Variants in CAPN15 observed in about 807,000 individuals in gnomAD.
CAPN15 encodes calpain 15, also known as calpain-15.
A neutral mutation model predicts 97.9 loss-of-function variants in CAPN15; 53 were observed. The observed-to-expected ratio is 0.54, with a 90% confidence interval of 0.43 to 0.68. The LOEUF (loss-of-function observed/expected upper bound fraction) is 0.68, where lower values mean the gene tolerates loss of function less well. CAPN15 is among the 30% of genes least tolerant of loss of function. CAPN15 has a pLI of 0.00. For synonymous variants in CAPN15, 922 were observed against 722.5 expected (o/e 1.28, Z -4.43); for missense variants, 1,592 against 1,589.8 (o/e 1.00, Z -0.02).
intron 7 of CAPN15, among the ~76,000 whole-genome samples, chr16:550,957 GCCCCGGTCGGTGAGGGT>G (rs2034997165): frequency 8.4e-6 from 1 of 119,126 alleles, no homozygotes; most frequent in Admixed American, 8.0e-5. Flanking sequence ...GTCTGTGAGG[GCCCCGGTCGGTGAGGGT>G]CCCCTGTTGG....
At chr16:546,730 C>G (rs1036298653) in intron 3 of CAPN15, 87 bp from the exon 4 acceptor site, 3 of 1,449,726 alleles carry the variant, frequency 2.1e-6, no homozygotes, top group South Asian at 2.9e-5. Context: ...CAGCCACAGA[C>G]GGGTGCCTTC....
rs777519491 is a variant in CAPN15 at position 547,009 on chromosome 16, C to T, written c.171C>T (p.Asn57=). ...KWPCARCTFR[N]FLGKEACEVC... ...CCTGCGCCCGCTGCACCTTCCGCAA[C>T]TTCCTGGGCAAGGAGGCCTGCGAGG... The change falls in exon 4 of 14, where the codon AAC becomes AAT. Residue 57 remains asparagine, a synonymous_variant. Coordinates refer to ENST00000219611, the MANE Select transcript of CAPN15 (RefSeq NM_005632.3). 1 of 1,610,316 alleles carries T rather than the reference C, an allele frequency of 6.2e-7. No homozygotes were observed. Among genetic ancestry groups the T allele is most frequent in the Non-Finnish European group, 8.5e-7 (1 of 1,179,856 alleles).
chr16:546,616 C>T (rs1407506411), intron 3 of CAPN15, among the ~76,000 whole-genome samples: 1 of 152,230 alleles, frequency 6.6e-6, no homozygotes, highest in African/African-American at 2.4e-5. Flanking sequence ...GAGCCTCCAA[C>T]GGGCAAGAGG....
Position 548,122 on chromosome 16 carries a change from G to T in CAPN15, c.1284G>T (p.Arg428=). 1 of 1,535,420 alleles carries T rather than the reference G, an allele frequency of 6.5e-7. No individual in the cohort carries two copies. Among genetic ancestry groups the T allele is most frequent in the Non-Finnish European group, 8.8e-7 (1 of 1,142,210 alleles). Reference sequence around the variant, plus strand: ...CCTGTACCCTGCTCAACGCACTGCGGGCCAAGCACTGCGCCGCCTGCCACA... The same window carrying T: ...CCTGTACCCTGCTCAACGCACTGCGTGCCAAGCACTGCGCCGCCTGCCACA... ...CPACTLLNAL[R]AKHCAACHTP... Residue 428 remains arginine, a synonymous_variant, in exon 4 of 14, where the codon CGG becomes CGT. Transcript: ENST00000219611.
At chr16:551,923 G>A (rs990189871) in intron 9 of CAPN15, 128 bp from the exon 10 acceptor site, 8 of 1,132,604 alleles carry the variant, frequency 7.1e-6, no homozygotes, top group African/African-American at 1.6e-5. Context: ...CGGGGGCCGG[G>A]CTGCAAGAGG....
Position 533,980 on chromosome 16 carries a change from G to A in CAPN15, c.-155G>A. The A allele has an allele frequency of 1.0e-6, 1 of 985,502 alleles. No homozygotes were observed. The highest frequency in any genetic ancestry group is 1.2e-6 in the Non-Finnish European group (1 of 829,978). 61.0% of individuals were successfully genotyped at this position (985,502 alleles called of 1,614,324 possible). A position where few individuals can be genotyped will look rare whatever the true frequency, so the allele number is the denominator to read the frequency against. ...CAGACGCGGCACAGAGAGGGCCTGGGAGCTTGCTGCAGCTTCAGGTGAGTT... is the reference window on the plus strand; with the variant it reads ...CAGACGCGGCACAGAGAGGGCCTGGAAGCTTGCTGCAGCTTCAGGTGAGTT... On this transcript the variant is annotated 5_prime_UTR_variant, in exon 2 of 14. Transcript: ENST00000219611.
chr16:528,889 T>A (rs2033042562), intron 1 of CAPN15: 2 of 461,462 alleles, frequency 4.3e-6, no homozygotes, highest in Non-Finnish European at 5.7e-6. Flanking sequence ...TGCGGAAACG[T>A]GAGTCACAGT....
rs775450459 is a variant in CAPN15, at chr16:547,015, G to T, written c.177G>T (p.Leu59=). 6.2e-7 allele frequency: 1 copy of T among 1,610,134 alleles called. No homozygotes were observed. Among genetic ancestry groups the T allele is most frequent in the East Asian group, 2.2e-5 (1 of 44,874 alleles). Residue 59 remains leucine (L), a synonymous_variant, in exon 4 of 14, where the codon CTG becomes CTT. Coordinates refer to ENST00000219611, the MANE Select transcript of CAPN15 (RefSeq NM_005632.3). ...CCCGCTGCACCTTCCGCAACTTCCT[G>T]GGCAAGGAGGCCTGCGAGGTGTGCG... The part of the protein sequence containing the change: ...PCARCTFRNF[L]GKEACEVCGF...
chr16:552,694 G>A lies in CAPN15; in HGVS notation c.2827G>A (p.Glu943Lys), dbSNP rs1352364872. 1 of 1,544,344 alleles carries A rather than the reference G, an allele frequency of 6.5e-7. No homozygotes were observed. The highest frequency in any genetic ancestry group is 2.0e-5 in the Admixed American group (1 of 50,962). Reference protein sequence around the residue: ...AVYSSRLVMVEPVEAQPTTLA... With the variant: ...AVYSSRLVMVKPVEAQPTTLA... Reference sequence around the variant, plus strand: ...GTACAGCTCGAGGCTGGTCATGGTGGAGCCCGTGGAAGCCCAGCCGACCAC... The same window carrying A: ...GTACAGCTCGAGGCTGGTCATGGTGAAGCCCGTGGAAGCCCAGCCGACCAC... The change falls in exon 12 of 14, where the codon GAG (glutamate) becomes AAG (lysine). Residue 943 changes from glutamate to lysine, a missense_variant. Glu to Lys is a moderately conservative substitution (Grantham distance 56). Transcript: ENST00000219611. This position sits in a 1 kb window ranked among gnomAD's most constrained non-coding sequence, Gnocchi z 6.4.
intron 7 of CAPN15, among the ~76,000 whole-genome samples, chr16:550,665 C>T (rs571395082): frequency 5.3e-5 from 8 of 151,682 alleles, no homozygotes; most frequent in South Asian, 2.1e-4. Flanking sequence ...GTGAGGGTCC[C>T]CGGTCGGTGA....
In CAPN15 at chr16:548,082, A is replaced by G; in HGVS notation, c.1244A>G (p.Gln415Arg). 2 of 1,539,364 alleles carry G rather than the reference A, an allele frequency of 1.3e-6. No individual in the cohort carries two copies. Among genetic ancestry groups the G allele is most frequent in the South Asian group, 1.2e-5 (1 of 81,930 alleles). ...CGCGTCCTGCCCGAGCGCCCGGGCC[A>G]GTGGGCCTGCCCTGCCTGTACCCTG... is the stretch of plus-strand genomic sequence containing the variant. ...AARVLPERPG[Q>R]WACPACTLLN... The change falls in exon 4 of 14, where the codon CAG becomes CGG. Residue 415 changes from glutamine (Q) to arginine (R), a missense_variant. Around this residue, in one of 3 missense-constraint regions of CAPN15, gnomAD observed 883 missense variants for 776.6 expected, o/e 1.14. Transcript: ENST00000219611.
chr16:532,589 G>T (rs1306947272), intron 1 of CAPN15, among the ~76,000 whole-genome samples: 1 of 150,026 alleles, frequency 6.7e-6, no homozygotes, highest in Non-Finnish European at 1.5e-5. Flanking sequence ...TGTGGCTCAC[G>T]CCTGTAATCC....
Position 552,594 on chromosome 16 carries a change from C to A in CAPN15, c.2738-11C>A. 1 of 1,545,880 alleles carries A rather than the reference C, an allele frequency of 6.5e-7. No homozygotes were observed. The highest frequency in any genetic ancestry group is 2.4e-5 in the East Asian group (1 of 41,492). The stretch of plus-strand genomic sequence containing the variant: ...CGGGGAGGGCTGCGGTTCACACGCC[C>A]GTCCTTGTAGCCTCCAGCCCCTCGG... On this transcript the variant is annotated splice_polypyrimidine_tract_variant and intron_variant, in intron 11 of 13. Coordinates refer to ENST00000219611, the MANE Select transcript of CAPN15 (RefSeq NM_005632.3). The surrounding 1 kb of genome is among the most constrained non-coding windows in gnomAD (Gnocchi z 6.4).
intron 3 of CAPN15, chr16:540,002 A>C: frequency 1.1e-6 from 1 of 891,072 alleles, no homozygotes; most frequent in Non-Finnish European, 1.3e-6. Context: ...CATGCTGGGA[A>C]GTCCTCCCGG....
intron 3 of CAPN15, among the ~76,000 whole-genome samples, chr16:542,394 G>A (rs541225468): frequency 4.6e-5 from 7 of 152,242 alleles, no homozygotes; most frequent in South Asian, 4.1e-4. Flanking sequence ...AGTTCCCACC[G>A]GCAACGCTGG....
Position 547,522 on chromosome 16 carries a change from G to A in CAPN15, c.684G>A (p.Arg228=). The change falls in exon 4 of 14, where the codon AGG becomes AGA. Residue 228 remains arginine, a synonymous_variant. Transcript: ENST00000219611. ...CAGCTGCCGAACCAGAGCCGCCCAG[G>A]GTCCCGCCCTTCAGCCCCTTCTCGT... ...QGPAAEPEPP[R]VPPFSPFSST... 1 of 1,598,142 alleles carries A rather than the reference G, an allele frequency of 6.3e-7. No individual in the cohort carries two copies. The highest frequency in any genetic ancestry group is 8.5e-7 in the Non-Finnish European group (1 of 1,179,094).
Position 552,898 on chromosome 16 carries a change from C to G in CAPN15, c.2940C>G (p.His980Gln). The G allele has an allele frequency of 6.2e-7, 1 of 1,610,088 alleles. No homozygotes were observed. The highest frequency in any genetic ancestry group is 8.5e-7 in the Non-Finnish European group (1 of 1,178,370). ...REGMTCYYLT[H>Q]GWAGLIVVVE... ...GCATGACCTGCTACTACCTGACACA[C>G]GGTTGGGCGGGGCTCATCGTGGTGG... Residue 980 changes from histidine to glutamine, a missense_variant, in exon 13 of 14, where the codon CAC (histidine) becomes CAG (glutamine). His to Gln is a conservative substitution (Grantham distance 24). Coordinates refer to ENST00000219611, the MANE Select transcript of CAPN15 (RefSeq NM_005632.3). This position sits in a 1 kb window ranked among gnomAD's most constrained non-coding sequence, Gnocchi z 6.4.
At position 548,261 on chromosome 16, in the gene CAPN15, G is replaced by A. The variant is rs1411905043; in HGVS notation, c.1423G>A (p.Glu475Lys). 1 of 1,535,540 alleles carries A rather than the reference G, an allele frequency of 6.5e-7. No individual in the cohort carries two copies. The highest frequency in any genetic ancestry group is 1.2e-5 in the South Asian group (1 of 82,090). ...TDEGEAKALWENIVAFCRENN... is the reference protein window; with the variant it reads ...TDEGEAKALWKNIVAFCRENN... ...CGAGGGCGAGGCCAAGGCACTCTGGGAGAACATCGTGGCCTTCTGCCGGGA... is the reference window on the plus strand; with the variant it reads ...CGAGGGCGAGGCCAAGGCACTCTGGAAGAACATCGTGGCCTTCTGCCGGGA... The change falls in exon 4 of 14, where the codon GAG becomes AAG. Residue 475 changes from glutamate to lysine, a missense_variant. Glu to Lys is a moderately conservative substitution (Grantham distance 56, BLOSUM62 1). Coordinates refer to ENST00000219611, the MANE Select transcript of CAPN15 (RefSeq NM_005632.3).
intron 3 of CAPN15, among the ~76,000 whole-genome samples, chr16:540,843 C>T (rs896234448): frequency 2.6e-5 from 4 of 152,212 alleles, no homozygotes; most frequent in African/African-American, 4.8e-5. Flanking sequence ...CTACCCGCTG[C>T]GTCCCTCAGG....
Sources: allele counts gnomAD v4.1 joint callset (sites outside exome capture counted in the v4.1 genomes callset), GRCh38; gene constraint gnomAD v4.1.1; regional missense constraint gnomAD v4.1.1; non-coding constraint Gnocchi (gnomAD v3.1); transcripts MANE v1.5; gene names NCBI Gene and HGNC (gene_info 2026-07-23, HGNC 2026-07-21).